TBC1D15: variants seen among roughly 807,000 people sequenced by gnomAD.
The protein encoded by TBC1D15 is GAP for RAB7.
In TBC1D15, 39 loss-of-function variants were observed where a neutral mutation model predicts 95.4. That is an observed-to-expected ratio of 0.41 (90% confidence interval 0.32 to 0.53). The LOEUF (loss-of-function observed/expected upper bound fraction) is 0.53, where lower values mean the gene tolerates loss of function less well. Ranked by LOEUF, TBC1D15 falls within the 20% of genes least tolerant of loss-of-function variation. TBC1D15 has a pLI of 0.29. For missense variants in TBC1D15, 733 were observed against 794.3 expected, an observed-to-expected ratio of 0.92 and a Z score of 0.93; for synonymous variants, 258 against 261.3, an observed-to-expected ratio of 0.99 and a Z score of 0.12.
intron 11 of TBC1D15, among the ~76,000 whole-genome samples, chr12:71,911,662 T>C (rs1488153686): frequency 1.3e-5 from 2 of 148,174 alleles, no homozygotes; most frequent in South Asian, 2.3e-4. Context: ...TTAGGAGATA[T>C]ACCTAATGCT....
intron 4 of TBC1D15, among the ~76,000 whole-genome samples, chr12:71,882,823 G>A (rs1273337110): frequency 6.6e-6 from 1 of 152,098 alleles, no homozygotes. Flanking sequence ...TTATTCTAGT[G>A]GAGGGCCTAG....
chr12:71,854,714 T>C, intron 1 of TBC1D15: 1 of 455,566 alleles, frequency 2.2e-6, no homozygotes, highest in Non-Finnish European at 4.4e-6. Context: ...TCTTTTTTCT[T>C]CCTTCTCATT....
chr12:71,891,630 G>A (rs769740939), intron 5 of TBC1D15, among the ~76,000 whole-genome samples: 3 of 152,086 alleles, frequency 2.0e-5, no homozygotes, highest in Non-Finnish European at 4.4e-5. Flanking sequence ...TTCCTTTGGA[G>A]CAGTCAGGTC....
intron 5 of TBC1D15, 52 bp from the exon 6 acceptor site, chr12:71,893,170 G>T: frequency 4.5e-5 from 37 of 814,484 alleles, no homozygotes; most frequent in Non-Finnish European, 6.0e-5. Context: ...TGTTCATGTA[G>T]TAATTGATAC....
At chr12:71,891,365 G>A (rs1897177164) in intron 5 of TBC1D15, among the ~76,000 whole-genome samples, 1 of 152,110 alleles carries the variant, frequency 6.6e-6, no homozygotes, top group African/African-American at 2.4e-5. Context: ...TAATAGAATT[G>A]CTGGGTTAGC....
Position 71,894,035 on chromosome 12 carries a change from T to C in TBC1D15, c.658-651T>C, listed in dbSNP as rs151140810. Reference sequence around the variant, plus strand: ...GACAATAAAAGGATAATTTTACTTATTGTGAAAAGAATTATTTAATAAATA... The same window carrying C: ...GACAATAAAAGGATAATTTTACTTACTGTGAAAAGAATTATTTAATAAATA... On this transcript the variant is annotated intron_variant, in intron 6 of 16. Transcript: ENST00000485960. Among the ~76,000 whole-genome samples, 857 of 152,068 alleles carry C rather than the reference T, an allele frequency of 5.6e-3. 8 individuals are homozygous for C. The highest frequency in any genetic ancestry group is 0.02 in the African/African-American group (815 of 41,524).
In TBC1D15 at chr12:71,894,900, A is replaced by G; in HGVS notation, c.855+17A>G. 2 of 1,602,762 alleles carry G rather than the reference A, an allele frequency of 1.2e-6. No homozygotes were observed. The highest frequency in any genetic ancestry group is 4.5e-5 in the East Asian group (2 of 44,786). ...ATCACAAGAGTGAGTAAAGATTAGTATTAATATAGCTCTTATATTTTAACA... is the reference window on the plus strand; with the variant it reads ...ATCACAAGAGTGAGTAAAGATTAGTGTTAATATAGCTCTTATATTTTAACA... On this transcript the variant is annotated intron_variant, in intron 7 of 16. Transcript: ENST00000485960.
intron 2 of TBC1D15, among the ~76,000 whole-genome samples, chr12:71,872,392 C>G (rs1301290736): frequency 1.3e-5 from 2 of 152,066 alleles, no homozygotes; most frequent in African/African-American, 4.8e-5. Flanking sequence ...TATTGTTTAT[C>G]AAAAATGCAT....
chr12:71,855,943 T>A (rs10784940), intron 1 of TBC1D15, among the ~76,000 whole-genome samples: 3 of 144,940 alleles, frequency 2.1e-5, no homozygotes, highest in African/African-American at 7.8e-5. Flanking sequence ...TGGTTTTTTT[T>A]GGGGGGGGGT....
rs769671180 is a variant in TBC1D15 at position 71,893,186 on chromosome 12, G to A, written c.555-36G>A. The A allele has an allele frequency of 3.2e-6, 4 of 1,248,750 alleles. No homozygotes were observed. In the South Asian group the frequency reaches 5.6e-5, roughly 17 times the overall value. 77.4% of individuals were successfully genotyped at this position (1,248,750 alleles called of 1,614,324 possible). On this transcript the variant is annotated intron_variant, in intron 5 of 16. Transcript: ENST00000485960. ...GTTCATGTAGTAATTGATACAGTGT[G>A]TTAGTATTTTCTACAAATCCTCTTT...
chr12:71,922,177 T>C (rs1205306083), intron 16 of TBC1D15, among the ~76,000 whole-genome samples: 1 of 152,164 alleles, frequency 6.6e-6, no homozygotes. Context: ...CTTCTCCTCC[T>C]GAGTTCAGTC....
chr12:71,857,132 G>T (rs888149520), intron 1 of TBC1D15, among the ~76,000 whole-genome samples: 1 of 151,396 alleles, frequency 6.6e-6, no homozygotes, highest in Non-Finnish European at 1.5e-5. Flanking sequence ...AGAGATGGGG[G>T]TGGGGGGGCA....
chr12:71,920,663 A>G, intron 14 of TBC1D15, 68 bp from the exon 15 acceptor site: 3 of 1,207,500 alleles, frequency 2.5e-6, no homozygotes, highest in Non-Finnish European at 3.7e-6. Context: ...AGTGTTCAGA[A>G]TTGTATCTGT....
chr12:71,918,534 C>T lies in TBC1D15; in HGVS notation c.1585C>T (p.Leu529Phe). The T allele has an allele frequency of 6.9e-6, 11 of 1,593,866 alleles. No individual in the cohort carries two copies. Among genetic ancestry groups the T allele is most frequent in the Non-Finnish European group, 9.4e-6 (11 of 1,167,902 alleles). Residue 529 changes from leucine to phenylalanine, a missense_variant, in exon 14 of 17, where the codon CTT becomes TTT. Leu to Phe is a conservative substitution (Grantham distance 22). Transcript: ENST00000485960. ...FKREFSFLDI[L>F]RLWEVMWTEL... ...AAGGGAATTTAGTTTTCTAGATATT[C>T]TTCGATTATGGGAGGTAAGTCCTTA...
At chr12:71,873,074 C>A in intron 3 of TBC1D15, 71 bp downstream of exon 3, 1 of 1,061,842 alleles carries the variant, frequency 9.4e-7, no homozygotes, top group South Asian at 1.5e-5. Flanking sequence ...ATATATAATT[C>A]ACATACCATA....
rs543561570 is a variant in TBC1D15, at chr12:71,923,360, A to C, written c.*156A>C. The stretch of plus-strand genomic sequence containing the variant: ...TTACATTAAAGCTTTACAAAGATTT[A>C]AACTAATTATTTTTGTAGTTACTTC... On this transcript the variant is annotated 3_prime_UTR_variant, in exon 17 of 17. Coordinates refer to ENST00000485960, the MANE Select transcript of TBC1D15 (RefSeq NM_001146213.3). The C allele has an allele frequency of 4.7e-6, 3 of 633,352 alleles. No individual in the cohort carries two copies. The South Asian group carries it at 7.5e-5, about 16-fold the overall frequency. 39.2% of individuals were successfully genotyped at this position (633,352 alleles called of 1,614,324 possible).
At chr12:71,866,648 C>T (rs1891564744) in intron 1 of TBC1D15, among the ~76,000 whole-genome samples, 1 of 152,156 alleles carries the variant, frequency 6.6e-6, no homozygotes, top group African/African-American at 2.4e-5. Flanking sequence ...CAGAGTCTTG[C>T]TTATGTTGCC....
intron 10 of TBC1D15, among the ~76,000 whole-genome samples, chr12:71,903,923 G>A (rs929594141): frequency 2.6e-5 from 4 of 152,154 alleles, no homozygotes; most frequent in African/African-American, 4.8e-5. Context: ...TACCTGAGCG[G>A]CAAAGCTATC....
chr12:71,897,750 A>T, intron 9 of TBC1D15, 97 bp from the exon 10 acceptor site: 1 of 806,326 alleles, frequency 1.2e-6, no homozygotes, highest in South Asian at 1.6e-5. Context: ...TAGCATCATA[A>T]ATGCTTTGAT....
Sources: gnomAD v4.1 joint callset for allele counts (sites outside exome capture counted in the v4.1 genomes callset) on GRCh38, gnomAD v4.1.1 for gene constraint, MANE v1.5 for transcripts, NCBI Gene and HGNC (gene_info 2026-07-23, HGNC 2026-07-21) for gene names.